Variants in RALGAPA2 observed in about 807,000 individuals in gnomAD.
The protein encoded by RALGAPA2 is ral GTPase-activating protein subunit alpha-2.
Under a neutral mutation model 230.4 loss-of-function variants are expected in RALGAPA2, and 139 were observed. The ratio of observed to expected loss-of-function variants is 0.60; its 90% confidence interval spans 0.53 to 0.69. The LOEUF is 0.69. Ranked by LOEUF, RALGAPA2 falls within the 30% of genes least tolerant of loss-of-function variation. The pLI, the probability that RALGAPA2 is intolerant of heterozygous loss-of-function variation, is 0.00. For missense variants in RALGAPA2, 2,163 were observed against 2,276.0 expected (o/e 0.95, Z 1.01); for synonymous variants, 847 against 837.8 (o/e 1.01, Z -0.19).
At chr20:20,468,250 A>C (rs1164657656) in intron 37 of RALGAPA2, among the ~76,000 whole-genome samples, 1 of 152,208 alleles carries the variant, frequency 6.6e-6, no homozygotes, top group Non-Finnish European at 1.5e-5. Context: ...GTCAGAGCTG[A>C]TATCAAGTAG....
chr20:20,458,404 AAT>A (rs11474085), intron 37 of RALGAPA2, among the ~76,000 whole-genome samples: 5 of 132,538 alleles, frequency 3.8e-5, no homozygotes, highest in African/African-American at 1.2e-4. Flanking sequence ...TTATACATAT[AAT>A]ATATGTTATA....
At chr20:20,661,009 C>G (rs1196263991) in intron 3 of RALGAPA2, among the ~76,000 whole-genome samples, 1 of 151,896 alleles carries the variant, frequency 6.6e-6, no homozygotes, top group African/African-American at 2.4e-5. Flanking sequence ...AAAGAATACT[C>G]TAATAGGTAA....
intron 23 of RALGAPA2, among the ~76,000 whole-genome samples, chr20:20,563,547 G>C (rs2064320407): frequency 6.6e-6 from 1 of 152,176 alleles, no homozygotes; most frequent in Non-Finnish European, 1.5e-5. Context: ...AGAATTCTTT[G>C]GGGACACCCC....
intron 37 of RALGAPA2, among the ~76,000 whole-genome samples, chr20:20,423,778 T>A (rs893226979): frequency 6.6e-6 from 1 of 152,182 alleles, no homozygotes; most frequent in Non-Finnish European, 1.5e-5. Context: ...GTAAAGAGGA[T>A]GACTTTACTC....
At chr20:20,403,489 G>A (rs1010926403) in intron 38 of RALGAPA2, among the ~76,000 whole-genome samples, 5 of 152,162 alleles carry the variant, frequency 3.3e-5, no homozygotes, top group African/African-American at 1.2e-4. Flanking sequence ...AAAGAGCAGA[G>A]TCAGCCTAGC....
Position 20,511,288 on chromosome 20 carries a change from A to G in RALGAPA2, c.4894T>C (p.Leu1632=), listed in dbSNP as rs1267102568. The change falls in exon 33 of 40, where the codon TTG becomes CTG. Residue 1632 remains leucine, a synonymous_variant. Transcript: ENST00000202677. The part of the protein sequence containing the change: ...FHLLKKNSKL[L]RELKNLDSRQ... ...GAGTCCAAATTTTTCAGCTCTCTCAATAATTTTGAATTTTTCTTCAATAGA... is the reference window on the plus strand; with the variant it reads ...GAGTCCAAATTTTTCAGCTCTCTCAGTAATTTTGAATTTTTCTTCAATAGA... 4 of 1,567,304 alleles carry G rather than the reference A, an allele frequency of 2.6e-6. No individual in the cohort carries two copies. The highest frequency in any genetic ancestry group is 3.5e-6 in the Non-Finnish European group (4 of 1,155,000).
intron 20 of RALGAPA2, among the ~76,000 whole-genome samples, chr20:20,575,678 G>A (rs1409289708): frequency 6.6e-6 from 1 of 152,122 alleles, no homozygotes; most frequent in Non-Finnish European, 1.5e-5. Flanking sequence ...TACCTGGTAT[G>A]GGAAATTTTC....
chr20:20,451,854 T>C (rs1436401228), intron 37 of RALGAPA2, among the ~76,000 whole-genome samples: 2 of 152,230 alleles, frequency 1.3e-5, no homozygotes, highest in African/African-American at 2.4e-5. Context: ...GTGGGCCTTA[T>C]TTAGTATACT....
chr20:20,435,815 G>C (rs1033873748), intron 37 of RALGAPA2, among the ~76,000 whole-genome samples: 10 of 152,194 alleles, frequency 6.6e-5, no homozygotes, highest in African/African-American at 2.2e-4. Context: ...CCACAGGCAG[G>C]AACTGCACTA....
chr20:20,661,780 C>T (rs1568721441), intron 3 of RALGAPA2, among the ~76,000 whole-genome samples: 1 of 152,076 alleles, frequency 6.6e-6, no homozygotes, highest in Non-Finnish European at 1.5e-5. Context: ...CAATAAAATA[C>T]AGAAAAGGAG....
At chr20:20,609,175 T>G (rs1372967931) in intron 14 of RALGAPA2, among the ~76,000 whole-genome samples, 2 of 152,104 alleles carry the variant, frequency 1.3e-5, no homozygotes, top group Non-Finnish European at 2.9e-5. Flanking sequence ...TTTTAAAATT[T>G]TTTGTAGAGA....
intron 1 of RALGAPA2, among the ~76,000 whole-genome samples, chr20:20,705,956 C>T (rs1306326206): frequency 2.6e-5 from 4 of 152,160 alleles, no homozygotes; most frequent in Middle Eastern, 6.3e-3. Context: ...CGTGAGCCAC[C>T]GCACCCCGCC....
chr20:20,704,511 C>A (rs1474382181), intron 1 of RALGAPA2, among the ~76,000 whole-genome samples: 2 of 152,194 alleles, frequency 1.3e-5, no homozygotes, highest in Admixed American at 6.5e-5. Context: ...AAAGACATGG[C>A]CAAACTCAGG....
At chr20:20,521,735 G>A (rs558526469) in intron 30 of RALGAPA2, among the ~76,000 whole-genome samples, 1 of 152,148 alleles carries the variant, frequency 6.6e-6, no homozygotes, top group Non-Finnish European at 1.5e-5. Context: ...GGTAATAATT[G>A]TAACAGATTT....
At chr20:20,405,353 C>A (rs1220968817) in intron 38 of RALGAPA2, among the ~76,000 whole-genome samples, 2 of 152,148 alleles carry the variant, frequency 1.3e-5, no homozygotes, top group African/African-American at 4.8e-5. Context: ...TCAAGCTTCA[C>A]AAGGGAAGGA....
At chr20:20,597,736 G>A (rs2065501964) in intron 16 of RALGAPA2, among the ~76,000 whole-genome samples, 1 of 152,122 alleles carries the variant, frequency 6.6e-6, no homozygotes, top group Admixed American at 6.5e-5. Context: ...CTACTCGGGA[G>A]GCTGAGGCAG....
chr20:20,447,369 A>T (rs1425080815), intron 37 of RALGAPA2, among the ~76,000 whole-genome samples: 3 of 152,214 alleles, frequency 2.0e-5, no homozygotes, highest in Non-Finnish European at 4.4e-5. Flanking sequence ...CAGAGAAACC[A>T]GCTACACAAA....
intron 1 of RALGAPA2, among the ~76,000 whole-genome samples, chr20:20,711,396 C>G (rs1318603548): frequency 6.6e-6 from 1 of 152,134 alleles, no homozygotes; most frequent in Non-Finnish European, 1.5e-5. Flanking sequence ...TTCTTTCCTT[C>G]GCCACCAAAT....
chr20:20,512,101 T>C (rs914089142), intron 32 of RALGAPA2, among the ~76,000 whole-genome samples: 7 of 151,930 alleles, frequency 4.6e-5, no homozygotes, highest in African/African-American at 1.2e-4. Flanking sequence ...GGCAGGAGAA[T>C]TGCTTGAACC....
Sources: allele counts gnomAD v4.1 joint callset (sites outside exome capture counted in the v4.1 genomes callset), GRCh38; gene constraint gnomAD v4.1.1; transcripts MANE v1.5; gene names NCBI Gene and HGNC (gene_info 2026-07-23, HGNC 2026-07-21).